The following IDO2 variants were observed in gnomAD, a reference collection of about 807,000 sequenced individuals.
IDO2 encodes the protein indoleamine 2,3-dioxygenase-like 1 protein.
IDO2 carries 46 observed loss-of-function variants against 45.1 expected under a neutral mutation model. The observed-to-expected ratio is 1.02, with a 90% CI of 0.80 to 1.30. The LOEUF (loss-of-function observed/expected upper bound fraction) is 1.30, where lower values mean the gene tolerates loss of function less well. Ranked by LOEUF, IDO2 falls within the 50% of genes most tolerant of loss-of-function variation. IDO2 has a pLI of 0.00. For synonymous variants in IDO2, 218 were observed against 184.9 expected (o/e 1.18, Z -1.45); for missense variants, 544 against 491.8 (o/e 1.11, Z -1.00).
intron 8 of IDO2, among the ~76,000 whole-genome samples, chr8:39,992,285 T>G (rs1338463039): frequency 6.6e-6 from 1 of 152,162 alleles, no homozygotes; most frequent in Non-Finnish European, 1.5e-5. Flanking sequence ...AGGTAAAAAG[T>G]CCACCTACCC....
At chr8:39,960,329 T>TTTC (rs1563427814) in intron 2 of IDO2, among the ~76,000 whole-genome samples, 1 of 151,830 alleles carries the variant, frequency 6.6e-6, no homozygotes, top group African/African-American at 2.4e-5. Context: ...CTCTAGATCT[T>TTTC]CTACTGCTGC....
At chr8:39,973,845 G>A (rs974974478) in intron 3 of IDO2, among the ~76,000 whole-genome samples, 1 of 151,366 alleles carries the variant, frequency 6.6e-6, no homozygotes, top group Non-Finnish European at 1.5e-5. Context: ...GGGTTCAAGC[G>A]ATTCTCCTGC....
intron 3 of IDO2, among the ~76,000 whole-genome samples, chr8:39,968,686 A>T (rs1395985138): frequency 6.6e-6 from 1 of 151,956 alleles, no homozygotes; most frequent in Non-Finnish European, 1.5e-5. Flanking sequence ...CAGAGAGGGG[A>T]ACATCACACA....
At chr8:39,971,667 C>T (rs377511939) in intron 3 of IDO2, among the ~76,000 whole-genome samples, 18 of 152,182 alleles carry the variant, frequency 1.2e-4, no homozygotes, top group African/African-American at 3.9e-4. Context: ...TGCAAGAAGT[C>T]AACCCTCATG....
chr8:39,939,783 A>G (rs372761946), intron 1 of IDO2, among the ~76,000 whole-genome samples: 1 of 152,018 alleles, frequency 6.6e-6, no homozygotes, highest in South Asian at 2.1e-4. Context: ...TGAATTTAGG[A>G]ACAAAGAAGT....
intron 2 of IDO2, among the ~76,000 whole-genome samples, chr8:39,950,760 G>C (rs1438366879): frequency 1.3e-5 from 2 of 152,068 alleles, no homozygotes; most frequent in Non-Finnish European, 2.9e-5. Flanking sequence ...TTGGATAAGG[G>C]AACAGAACAA....
At chr8:39,946,171 T>C (rs575441979) in intron 1 of IDO2, among the ~76,000 whole-genome samples, 12 of 152,284 alleles carry the variant, frequency 7.9e-5, no homozygotes, top group African/African-American at 2.4e-4. Context: ...ACCACCCAGA[T>C]TGATAAAGTG....
chr8:39,935,267 C>T, intron 1 of IDO2, 49 bp downstream of exon 1: 1 of 1,444,924 alleles, frequency 6.9e-7, no homozygotes, highest in Non-Finnish European at 9.7e-7. Context: ...ATAATGTAAA[C>T]ATCAAGACTG....
chr8:40,009,956 C>T (rs563134483), intron 9 of IDO2, among the ~76,000 whole-genome samples: 67 of 152,228 alleles, frequency 4.4e-4, no homozygotes, highest in African/African-American at 1.6e-3. Flanking sequence ...GTGCCTACCC[C>T]ATGTCAGTTC....
intron 8 of IDO2, among the ~76,000 whole-genome samples, chr8:39,991,911 C>T (rs905734358): frequency 1.4e-4 from 22 of 152,218 alleles, no homozygotes; most frequent in Non-Finnish European, 5.9e-5. Flanking sequence ...GCTGTGTTCT[C>T]CTGCTCAGCT....
intron 8 of IDO2, among the ~76,000 whole-genome samples, chr8:39,997,587 C>T (rs754830874): frequency 6.6e-6 from 1 of 151,924 alleles, no homozygotes; most frequent in African/African-American, 2.4e-5. Flanking sequence ...TGGGAGGATG[C>T]ACCTCAAGGC....
intron 4 of IDO2, 25 bp from the exon 5 acceptor site, chr8:39,982,626 TA>T: frequency 7.0e-7 from 1 of 1,425,856 alleles, no homozygotes; most frequent in Non-Finnish European, 9.8e-7. Context: ...TAGAATATGC[TA>T]TTTGTCTGGA....
intron 8 of IDO2, among the ~76,000 whole-genome samples, chr8:40,001,196 A>G (rs1372925364): frequency 1.3e-5 from 2 of 149,758 alleles, no homozygotes; most frequent in Non-Finnish European, 2.9e-5. Flanking sequence ...CTGTGTATAC[A>G]GGTACTCACC....
chr8:39,989,346 A>G (rs910157141), intron 7 of IDO2, among the ~76,000 whole-genome samples: 2 of 152,158 alleles, frequency 1.3e-5, no homozygotes, highest in African/African-American at 4.8e-5. Flanking sequence ...CACAGATTTC[A>G]ACACAGATTT....
At chr8:40,011,284 G>A (rs763223037) in intron 9 of IDO2, among the ~76,000 whole-genome samples, 6 of 152,148 alleles carry the variant, frequency 3.9e-5, no homozygotes, top group African/African-American at 9.7e-5. Context: ...AGCAGTCCAC[G>A]GACTGACCCT....
chr8:39,959,682 G>C (rs1163897860), intron 2 of IDO2, among the ~76,000 whole-genome samples: 1 of 152,068 alleles, frequency 6.6e-6, no homozygotes, highest in Non-Finnish European at 1.5e-5. Flanking sequence ...AATTAGCCAG[G>C]CATGGTGACA....
intron 2 of IDO2, among the ~76,000 whole-genome samples, chr8:39,962,342 T>G (rs966397684): frequency 6.6e-6 from 1 of 152,226 alleles, no homozygotes; most frequent in Non-Finnish European, 1.5e-5. Flanking sequence ...GTTTAGTCCT[T>G]GAACAATATT....
At chr8:39,966,235 G>T (rs1808083051) in intron 3 of IDO2, among the ~76,000 whole-genome samples, 1 of 151,790 alleles carries the variant, frequency 6.6e-6, no homozygotes, top group Non-Finnish European at 1.5e-5. Flanking sequence ...CACCATATTG[G>T]CCAGGCTGGT....
intron 3 of IDO2, among the ~76,000 whole-genome samples, chr8:39,968,887 G>T (rs1417935342): frequency 3.7e-5 from 5 of 135,578 alleles, no homozygotes; most frequent in South Asian, 2.3e-4. Context: ...TTTTAAAAAA[G>T]TAAAAAAAAA....
Sources: allele counts gnomAD v4.1 joint callset (sites outside exome capture counted in the v4.1 genomes callset), GRCh38; gene constraint gnomAD v4.1.1; transcripts MANE v1.5; gene names NCBI Gene and HGNC (gene_info 2026-07-23, HGNC 2026-07-21).